Variants in FCHSD2 observed in about 807,000 individuals in gnomAD.
FCHSD2 encodes F-BAR and double SH3 domains protein 2.
In FCHSD2, 38 loss-of-function variants were observed where a neutral mutation model predicts 108.1. The ratio of observed to expected loss-of-function variants is 0.35; its 90% CI spans 0.27 to 0.46. The LOEUF is 0.46. FCHSD2 is among the 20% of genes least tolerant of loss of function. The pLI is 1.00. For missense variants in FCHSD2, 751 were observed against 897.8 expected, an observed-to-expected ratio of 0.84 and a Z score of 2.09; for synonymous variants, 279 against 314.7, an observed-to-expected ratio of 0.89 and a Z score of 1.20.
chr11:73,084,621 G>A (rs771811530), intron 2 of FCHSD2, among the ~76,000 whole-genome samples: 13 of 152,154 alleles, frequency 8.5e-5, no homozygotes, highest in Non-Finnish European at 1.9e-4. Flanking sequence ...TCGAACTCCT[G>A]GCCTCAAAGC....
chr11:73,078,630 T>C (rs1341465664), intron 3 of FCHSD2, among the ~76,000 whole-genome samples: 1 of 145,948 alleles, frequency 6.9e-6, no homozygotes, highest in African/African-American at 2.5e-5. Flanking sequence ...ATAACAACTA[T>C]TCTGATAAAA....
chr11:72,839,698 A>G (rs1860849418), intron 19 of FCHSD2, among the ~76,000 whole-genome samples: 1 of 152,178 alleles, frequency 6.6e-6, no homozygotes, highest in Non-Finnish European at 1.5e-5. Flanking sequence ...TCTGGAAGGG[A>G]ACATAACTCA....
intron 2 of FCHSD2, among the ~76,000 whole-genome samples, chr11:73,109,678 T>C (rs1368075537): frequency 1.3e-5 from 2 of 152,154 alleles, no homozygotes; most frequent in African/African-American, 4.8e-5. Flanking sequence ...CCTTTCCACT[T>C]TGGATGCTCT....
chr11:73,048,585 A>G (rs1858820662), intron 3 of FCHSD2, among the ~76,000 whole-genome samples: 1 of 152,172 alleles, frequency 6.6e-6, no homozygotes, highest in South Asian at 2.1e-4. Context: ...TCATTCTGGG[A>G]CCCCATCTGA....
chr11:72,983,630 AATACAG>A lies in FCHSD2; in HGVS notation c.705+452_705+457del. 1.6e-5 allele frequency: 3 copies of A among 186,878 alleles called. No homozygotes were observed. In the South Asian group the frequency reaches 2.6e-4, roughly 16 times the overall value. 11.6% of individuals were successfully genotyped at this position (186,878 alleles called of 1,614,324 possible). A position where few individuals can be genotyped will look rare whatever the true frequency, so the allele number is the denominator to read the frequency against. ...CTTTTCTTATAAAAATTTTTCAAAA[AATACAG>A]ATACAATCTAACAAAAATTATGCTA... On this transcript the variant is annotated intron_variant, in intron 8 of 19. Coordinates refer to ENST00000409418, the MANE Select transcript of FCHSD2 (RefSeq NM_014824.3).
chr11:73,037,339 A>G (rs7925928), intron 3 of FCHSD2, among the ~76,000 whole-genome samples: 57,625 of 151,920 alleles, frequency 0.38, 11,473 homozygotes, highest in East Asian at 0.55. Flanking sequence ...TGTACAGTCT[A>G]TGTGTCTGGA....
chr11:73,051,769 T>G (rs943285223), intron 3 of FCHSD2, among the ~76,000 whole-genome samples: 2 of 152,012 alleles, frequency 1.3e-5, no homozygotes, highest in Non-Finnish European at 2.9e-5. Flanking sequence ...AGTAGTGAAT[T>G]GCAAAGCCAA....
At chr11:73,048,684 T>C (rs1044438939) in intron 3 of FCHSD2, among the ~76,000 whole-genome samples, 2 of 152,184 alleles carry the variant, frequency 1.3e-5, no homozygotes, top group Non-Finnish European at 2.9e-5. Flanking sequence ...TAAAGCCTCA[T>C]TTTAGAAATG....
At chr11:73,111,505 T>A (rs1860485262) in intron 2 of FCHSD2, among the ~76,000 whole-genome samples, 1 of 151,812 alleles carries the variant, frequency 6.6e-6, no homozygotes, top group African/African-American at 2.4e-5. Context: ...ATAGGTGAAG[T>A]GTGTTTCCTG....
At chr11:72,958,449 C>T (rs1433300012) in intron 8 of FCHSD2, among the ~76,000 whole-genome samples, 2 of 152,066 alleles carry the variant, frequency 1.3e-5, no homozygotes, top group South Asian at 2.1e-4. Flanking sequence ...ACCCAGGAGG[C>T]GGAGGCTGCA....
chr11:72,853,874 T>C (rs1223564543), intron 13 of FCHSD2, among the ~76,000 whole-genome samples: 1 of 152,022 alleles, frequency 6.6e-6, no homozygotes, highest in Non-Finnish European at 1.5e-5. Context: ...AAACTGACCA[T>C]CAACAACAAA....
chr11:73,073,094 T>C (rs1030748154), intron 3 of FCHSD2, among the ~76,000 whole-genome samples: 2 of 152,226 alleles, frequency 1.3e-5, no homozygotes, highest in Non-Finnish European at 2.9e-5. Flanking sequence ...CTACAGGAAG[T>C]ACTTTAATAC....
intron 5 of FCHSD2, among the ~76,000 whole-genome samples, chr11:72,999,315 CTTTTTTTTTT>C (rs777275615): frequency 3.9e-5 from 4 of 103,768 alleles, no homozygotes; most frequent in African/African-American, 7.2e-5. Flanking sequence ...ACCAAAGATT[CTTTTTTTTTT>C]TTTTTTTTTT....
intron 8 of FCHSD2, among the ~76,000 whole-genome samples, chr11:72,926,286 C>T (rs1057250881): frequency 1.3e-5 from 2 of 152,278 alleles, no homozygotes; most frequent in African/African-American, 4.8e-5. Flanking sequence ...CCAATCCACA[C>T]ACACTTCCTC....
At chr11:73,010,643 T>C (rs575063849) in intron 4 of FCHSD2, among the ~76,000 whole-genome samples, 3 of 152,336 alleles carry the variant, frequency 2.0e-5, no homozygotes, top group Non-Finnish European at 2.9e-5. Flanking sequence ...TACGATTTCT[T>C]TGGCTATGAA....
At chr11:73,051,750 G>A (rs80113739) in intron 3 of FCHSD2, among the ~76,000 whole-genome samples, 3,306 of 152,060 alleles carry the variant, frequency 0.022, 77 homozygotes, top group African/African-American at 0.059. Flanking sequence ...AAAAAAATTT[G>A]AAATAAATAG....
At chr11:72,946,167 C>T (rs1309120827) in intron 8 of FCHSD2, among the ~76,000 whole-genome samples, 1 of 152,118 alleles carries the variant, frequency 6.6e-6, no homozygotes. Flanking sequence ...CAATGATAGA[C>T]TGGATTAAGA....
intron 5 of FCHSD2, among the ~76,000 whole-genome samples, chr11:72,991,711 C>T (rs981479911): frequency 1.1e-4 from 16 of 152,236 alleles, no homozygotes; most frequent in South Asian, 6.2e-4. Flanking sequence ...AATTCAACAA[C>T]GCTTCATTCT....
intron 13 of FCHSD2, among the ~76,000 whole-genome samples, 168 bp from the exon 14 acceptor site, chr11:72,850,057 GTTTTT>G (rs10579880): frequency 2.1e-4 from 18 of 85,480 alleles, no homozygotes; most frequent in Admixed American, 4.0e-4. Context: ...AAAGAATAGA[GTTTTT>G]TTTTTTTTTT....
Sources: allele counts gnomAD v4.1 joint callset (sites outside exome capture counted in the v4.1 genomes callset), GRCh38; gene constraint gnomAD v4.1.1; transcripts MANE v1.5; gene names NCBI Gene and HGNC (gene_info 2026-07-23, HGNC 2026-07-21).